Variants in NYAP2 observed in about 807,000 individuals in gnomAD.
NYAP2 encodes the protein neuronal tyrosine-phosphorylated phosphoinositide-3-kinase adaptor 2.
NYAP2 carries 23 observed loss-of-function variants against 50.4 expected under a neutral mutation model. The ratio of observed to expected loss-of-function variants is 0.46; its 90% CI spans 0.33 to 0.65. NYAP2 has a LOEUF of 0.65. Among genes scored for constraint, NYAP2 ranks in the 30% least tolerant of loss-of-function variants. The probability of loss-of-function intolerance (pLI) is 0.02; values close to 1 mark genes in which losing one functional copy is unlikely to be tolerated. For missense variants in NYAP2, 885 were observed against 861.0 expected, an observed-to-expected ratio of 1.03 and a Z score of -0.35; for synonymous variants, 394 against 365.2, an observed-to-expected ratio of 1.08 and a Z score of -0.90.
intron 5 of NYAP2, among the ~76,000 whole-genome samples, chr2:225,596,936 AAAAT>A (rs1305315318): frequency 1.3e-5 from 2 of 152,180 alleles, no homozygotes; most frequent in African/African-American, 4.8e-5. Context: ...CAGAAGATGA[AAAAT>A]AAAGTAAGAA....
chr2:225,557,721 T>C (rs1161618928), intron 4 of NYAP2, among the ~76,000 whole-genome samples: 10 of 152,122 alleles, frequency 6.6e-5, no homozygotes, highest in Non-Finnish European at 1.3e-4. Context: ...CTGTTAAGCT[T>C]CTCCCTTTTG....
At chr2:225,644,255 G>A (rs539182770) in intron 6 of NYAP2, among the ~76,000 whole-genome samples, 3,761 of 152,222 alleles carry the variant, frequency 0.025, 176 homozygotes, top group African/African-American at 0.085. Context: ...AGAAGTGTCT[G>A]TTCATGTCCT....
At chr2:225,669,929 A>G in the NYAP2 span, among the ~76,000 whole-genome samples, 1 of 152,150 alleles carries the variant, frequency 6.6e-6, no homozygotes, top group Admixed American at 6.6e-5. Context: ...TCCTCCAAGG[A>G]GAGTCGGGTT....
chr2:225,633,968 CT>C (rs1228521015), intron 6 of NYAP2, among the ~76,000 whole-genome samples: 1 of 152,198 alleles, frequency 6.6e-6, no homozygotes. Flanking sequence ...CACAGAGAAG[CT>C]GCTTTCTACT....
intron 5 of NYAP2, among the ~76,000 whole-genome samples, chr2:225,602,136 G>T (rs2106242310): frequency 6.6e-6 from 1 of 152,296 alleles, no homozygotes; most frequent in African/African-American, 2.4e-5. Context: ...TCAGTCTGGG[G>T]TTTTTATGGA....
intron 4 of NYAP2, among the ~76,000 whole-genome samples, chr2:225,527,289 G>A (rs185923412): frequency 6.6e-6 from 1 of 152,262 alleles, no homozygotes; most frequent in East Asian, 1.9e-4. Context: ...TTGATTTAGA[G>A]GTGTGTTTTA....
chr2:225,582,516 GA>G lies in NYAP2; in HGVS notation c.1103del (p.Asn368ThrfsTer5). 1 of 1,561,430 alleles carries G rather than the reference GA, an allele frequency of 6.4e-7. No individual in the cohort carries two copies. Among genetic ancestry groups the G allele is most frequent in the Non-Finnish European group, 8.7e-7 (1 of 1,151,932 alleles). ...GGAGGTCACGAAGCTTCCCGTGCTG[GA>G]AAACGTGTCTTACATGAAACAGCCA... On this transcript the variant is annotated frameshift_variant, in exon 5 of 7. Transcript: ENST00000636099. LOFTEE classifies it high-confidence loss of function. The surrounding 1 kb of genome is among the most constrained non-coding windows in gnomAD (Gnocchi z 7.0).
intron 5 of NYAP2, among the ~76,000 whole-genome samples, chr2:225,589,623 A>G (rs1489922202): frequency 6.7e-6 from 1 of 149,618 alleles, no homozygotes; most frequent in East Asian, 1.9e-4. Flanking sequence ...TGAGTCTGGG[A>G]GTTTGAGTTT....
At chr2:225,430,562 A>C (rs1449854875) in intron 3 of NYAP2, among the ~76,000 whole-genome samples, 2 of 152,208 alleles carry the variant, frequency 1.3e-5, no homozygotes, top group East Asian at 3.9e-4. Context: ...TACAAAGTGC[A>C]TTGCATATAT....
intron 2 of NYAP2, among the ~76,000 whole-genome samples, chr2:225,403,536 A>G (rs1310452122): frequency 6.6e-6 from 1 of 151,936 alleles, no homozygotes; most frequent in African/African-American, 2.4e-5. Flanking sequence ...AGCTTCTCAT[A>G]GAGCTTCAGG....
chr2:225,564,571 T>A (rs1691930097), intron 4 of NYAP2, among the ~76,000 whole-genome samples: 1 of 151,836 alleles, frequency 6.6e-6, no homozygotes, highest in Non-Finnish European at 1.5e-5. Flanking sequence ...AAATTAAAAT[T>A]GTGCACAAAC....
intron 4 of NYAP2, among the ~76,000 whole-genome samples, chr2:225,560,445 G>A (rs1691852009): frequency 6.6e-6 from 1 of 152,044 alleles, no homozygotes; most frequent in Admixed American, 6.6e-5. Flanking sequence ...ATGCCTGCAA[G>A]TACAATCTTC....
intron 3 of NYAP2, among the ~76,000 whole-genome samples, chr2:225,417,321 T>C (rs1242348883): frequency 6.6e-6 from 1 of 152,202 alleles, no homozygotes; most frequent in Non-Finnish European, 1.5e-5. Context: ...TCATTATACA[T>C]GTGTGGGTTA....
At chr2:225,611,986 G>A (rs1340719312) in intron 5 of NYAP2, among the ~76,000 whole-genome samples, 2 of 150,962 alleles carry the variant, frequency 1.3e-5, no homozygotes, top group East Asian at 3.9e-4. Flanking sequence ...AAAAATTTCA[G>A]AGTAAACTGC....
chr2:225,488,465 C>A (rs1423091388), intron 3 of NYAP2, among the ~76,000 whole-genome samples: 4 of 152,158 alleles, frequency 2.6e-5, no homozygotes, highest in Non-Finnish European at 5.9e-5. Flanking sequence ...CCTCTGACTC[C>A]TGGGTTCAAG....
intron 3 of NYAP2, among the ~76,000 whole-genome samples, chr2:225,509,201 A>T (rs536779609): frequency 6.6e-6 from 1 of 152,280 alleles, no homozygotes; most frequent in Admixed American, 6.5e-5. Flanking sequence ...GAGAAGTTGG[A>T]GTCCTTAGTA....
At chr2:225,639,849 T>C (rs1228551463) in intron 6 of NYAP2, among the ~76,000 whole-genome samples, 2 of 152,084 alleles carry the variant, frequency 1.3e-5, no homozygotes, top group African/African-American at 4.8e-5. Flanking sequence ...CAACGCATCC[T>C]AATAACCTGG....
the NYAP2 span, among the ~76,000 whole-genome samples, chr2:225,696,716 TATACATAC>T: frequency 3.3e-5 from 5 of 151,960 alleles, no homozygotes; most frequent in Admixed American, 6.6e-5. Context: ...TAGTTCTGTG[TATACATAC>T]ATTGAGAGGC....
At chr2:225,474,861 G>C (rs1394485051) in intron 3 of NYAP2, among the ~76,000 whole-genome samples, 6 of 152,190 alleles carry the variant, frequency 3.9e-5, no homozygotes, top group Admixed American at 1.3e-4. Context: ...AATAGGAGTG[G>C]TGAGAGAGGG....
Sources: gnomAD v4.1 joint callset for allele counts (sites outside exome capture counted in the v4.1 genomes callset) on GRCh38, gnomAD v4.1.1 for gene constraint, Gnocchi (gnomAD v3.1) non-coding constraint, MANE v1.5 for transcripts, NCBI Gene and HGNC (gene_info 2026-07-23, HGNC 2026-07-21) for gene names.